GDPD1: variants seen among roughly 807,000 people sequenced by gnomAD.
GDPD1 encodes glycerophosphodiester phosphodiesterase domain containing 1, also known as lysophospholipase D GDPD1.
GDPD1 carries 28 observed loss-of-function variants against 45.1 expected under a neutral mutation model. That is an observed-to-expected ratio of 0.62 (90% confidence interval 0.46 to 0.85). GDPD1 has a LOEUF of 0.85. Among genes scored for constraint, GDPD1 ranks in the 40% least tolerant of loss-of-function variants. The pLI is 0.00. For synonymous variants in GDPD1, 139 were observed against 131.4 expected, an observed-to-expected ratio of 1.06 and a Z score of -0.40; for missense variants, 256 against 364.8, an observed-to-expected ratio of 0.70 and a Z score of 2.43.
chr17:59,225,481 T>A (rs1451511475), intron 1 of GDPD1, among the ~76,000 whole-genome samples: 1 of 152,066 alleles, frequency 6.6e-6, no homozygotes, highest in Non-Finnish European at 1.5e-5. Context: ...GATCACTTGA[T>A]GAGGTGGTGT....
At chr17:59,267,796 A>C (rs1472577713) in intron 7 of GDPD1, among the ~76,000 whole-genome samples, 2 of 151,152 alleles carry the variant, frequency 1.3e-5, no homozygotes, top group Non-Finnish European at 2.9e-5. Flanking sequence ...CAGCCTCCCG[A>C]GTAGCTGGGA....
intron 7 of GDPD1, among the ~76,000 whole-genome samples, chr17:59,270,678 A>G (rs950530153): frequency 3.9e-5 from 6 of 152,098 alleles, no homozygotes; most frequent in African/African-American, 1.4e-4. Flanking sequence ...TGGAAAGACA[A>G]TATTTATTTA....
At chr17:59,227,280 A>T (rs2047054456) in intron 1 of GDPD1, among the ~76,000 whole-genome samples, 1 of 151,924 alleles carries the variant, frequency 6.6e-6, no homozygotes, top group Non-Finnish European at 1.5e-5. Context: ...TTATCTGGGT[A>T]TAGTGGCATG....
At chr17:59,268,620 C>T (rs1196176601) in intron 7 of GDPD1, among the ~76,000 whole-genome samples, 1 of 142,924 alleles carries the variant, frequency 7.0e-6, no homozygotes, top group Non-Finnish European at 1.5e-5. Flanking sequence ...AAACACTTTT[C>T]ATATCCAACA....
In GDPD1 at chr17:59,231,248, C is replaced by T. The variant is rs149738141; in HGVS notation, c.143-3244C>T. 1.5e-4 allele frequency among the ~76,000 whole-genome samples: 23 copies of T among 151,968 alleles called. No individual in the cohort carries two copies. The East Asian group carries it at 2.9e-3, about 19-fold the overall frequency. ...TTTATGCCATGTACTTTCCCCTAAACGTGACTTTAGTAATTCCATGTGACC... is the reference window on the plus strand; with the variant it reads ...TTTATGCCATGTACTTTCCCCTAAATGTGACTTTAGTAATTCCATGTGACC... On this transcript the variant is annotated intron_variant, in intron 1 of 9. Transcript: ENST00000284116.
chr17:59,254,100 G>A (rs920119333), intron 4 of GDPD1, among the ~76,000 whole-genome samples: 4 of 149,382 alleles, frequency 2.7e-5, no homozygotes, highest in South Asian at 2.1e-4. Context: ...GGTGGCTCAC[G>A]CCTGTAATCC....
chr17:59,268,512 G>C (rs1285294519), intron 7 of GDPD1, among the ~76,000 whole-genome samples: 1 of 143,844 alleles, frequency 7.0e-6, no homozygotes, highest in East Asian at 2.1e-4. Context: ...CTGGGAGGCA[G>C]AGCTTGCAGT....
In GDPD1 at chr17:59,245,181, T is replaced by C. The variant is rs554258152; in HGVS notation, c.186-233T>C. Among the ~76,000 whole-genome samples the C allele has an allele frequency of 1.2e-3, 176 of 152,328 alleles. 1 individual carries two copies. Among genetic ancestry groups the C allele is most frequent in the Non-Finnish European group, 1.7e-3 (118 of 68,024 alleles). On this transcript the variant is annotated intron_variant, in intron 2 of 9. Coordinates refer to ENST00000284116, the MANE Select transcript of GDPD1 (RefSeq NM_182569.4). The stretch of plus-strand genomic sequence containing the variant: ...TTCAGATTCAGTATTCTGTCTATTA[T>C]ATTCAGTTGAAGAATTAAGGATAAC...
In GDPD1 at chr17:59,259,215, A is replaced by C. The variant is rs183578174; in HGVS notation, c.576+1375A>C. 4.8e-3 allele frequency among the ~76,000 whole-genome samples: 717 copies of C among 148,422 alleles called. 8 individuals carry two copies. Among genetic ancestry groups the C allele is most frequent in the African/African-American group, 0.017 (675 of 40,232 alleles). The stretch of plus-strand genomic sequence containing the variant: ...GAGGCCGAGGCAGGCGGATCACCTG[A>C]GGTCAGGAGTTCAAGACCAGCCTGG... On this transcript the variant is annotated intron_variant, in intron 6 of 9. Coordinates refer to ENST00000284116, the MANE Select transcript of GDPD1 (RefSeq NM_182569.4).
chr17:59,262,302 G>A (rs2147900517), intron 6 of GDPD1, among the ~76,000 whole-genome samples: 1 of 152,194 alleles, frequency 6.6e-6, no homozygotes, highest in East Asian at 1.9e-4. Flanking sequence ...AATGTTTATA[G>A]CAACTTTATT....
intron 6 of GDPD1, among the ~76,000 whole-genome samples, 173 bp downstream of exon 6, chr17:59,258,013 A>G (rs1466797973): frequency 6.6e-6 from 1 of 152,130 alleles, no homozygotes. Context: ...TGCAGCCTCA[A>G]ACTCCTGGGC....
intron 2 of GDPD1, among the ~76,000 whole-genome samples, chr17:59,240,072 C>A (rs1165714417): frequency 6.6e-6 from 1 of 152,072 alleles, no homozygotes; most frequent in African/African-American, 2.4e-5. Flanking sequence ...GCGGGCAGAT[C>A]AGGAGGGCAG....
At position 59,275,238 on chromosome 17, in the gene GDPD1, G is replaced by T; in HGVS notation, c.*1465G>T. 1 of 1,512,166 alleles carries T rather than the reference G, an allele frequency of 6.6e-7. No homozygotes were observed. The allele number at this position is 1,512,166 out of a possible 1,614,324, so 93.7% of individuals were successfully genotyped here. ...AAGAGGAAAAATAAAACGGAAAAAA[G>T]CTTGGAAATCAGTGATGTGTAGTTA... On this transcript the variant is annotated 3_prime_UTR_variant, in exon 10 of 10. Transcript: ENST00000284116.
chr17:59,246,074 T>C (rs1161203418), intron 3 of GDPD1, among the ~76,000 whole-genome samples: 2 of 151,120 alleles, frequency 1.3e-5, no homozygotes, highest in African/African-American at 4.9e-5. Context: ...GAGCCAAGAT[T>C]GCGCCACTGC....
intron 4 of GDPD1, among the ~76,000 whole-genome samples, chr17:59,254,431 G>A (rs1290623706): frequency 6.6e-6 from 1 of 151,892 alleles, no homozygotes; most frequent in African/African-American, 2.4e-5. Context: ...TTTGGAGGCT[G>A]AGGCAGGAGG....
rs376358473 is a variant in GDPD1 at position 59,255,784 on chromosome 17, T to C, written c.368-1338T>C. 2.3e-3 allele frequency among the ~76,000 whole-genome samples: 134 copies of C among 58,114 alleles called. 6 individuals carry two copies. Among genetic ancestry groups the C allele is most frequent in the African/African-American group, 0.012 (94 of 7,614 alleles). The allele number at this position is 58,114 out of a possible 152,430, so 38.1% of individuals were successfully genotyped here. On this transcript the variant is annotated intron_variant, in intron 4 of 9. Coordinates refer to ENST00000284116, the MANE Select transcript of GDPD1 (RefSeq NM_182569.4). ...AAAAATATATATATATATATATATATACGCGTATATATGTATATATATATA... is the reference window on the plus strand; with the variant it reads ...AAAAATATATATATATATATATATACACGCGTATATATGTATATATATATA...
rs960255626 is a variant in GDPD1 at position 59,275,924 on chromosome 17, T to C, written c.*2151T>C. 1 of 152,214 alleles carries C rather than the reference T, an allele frequency of 6.6e-6. No homozygotes were observed. The highest frequency in any genetic ancestry group is 2.4e-5 in the African/African-American group (1 of 41,462). The allele number at this position is 152,214 out of a possible 1,614,324, so 9.4% of individuals were successfully genotyped here. ...TATCTGTCCCTGGATGACATAAATA[T>C]CATTTGCTTTGTTGTTTAAACTGAA... On this transcript the variant is annotated 3_prime_UTR_variant, in exon 10 of 10. Coordinates refer to ENST00000284116, the MANE Select transcript of GDPD1 (RefSeq NM_182569.4).
chr17:59,257,704 G>T (rs767785935), intron 5 of GDPD1, 47 bp from the exon 6 acceptor site: 1 of 1,154,766 alleles, frequency 8.7e-7, no homozygotes, highest in Non-Finnish European at 1.3e-6. Flanking sequence ...GTTGTTAGTG[G>T]ATTTGCAAAT....
chr17:59,238,058 C>A (rs1394082172), intron 2 of GDPD1, among the ~76,000 whole-genome samples: 2 of 149,902 alleles, frequency 1.3e-5, no homozygotes, highest in Non-Finnish European at 3.0e-5. Context: ...CACCTGAGGT[C>A]GGGAGTTTGA....
Sources: allele counts gnomAD v4.1 joint callset (sites outside exome capture counted in the v4.1 genomes callset), GRCh38; gene constraint gnomAD v4.1.1; transcripts MANE v1.5; gene names NCBI Gene and HGNC (gene_info 2026-07-23, HGNC 2026-07-21).